The following PGLYRP4 variants were observed in gnomAD, a reference collection of about 807,000 sequenced individuals.
PGLYRP4 encodes the protein PGRP-I-beta.
PGLYRP4 carries 39 observed loss-of-function variants against 41.2 expected under a neutral mutation model. The observed-to-expected ratio is 0.95, with a 90% CI of 0.73 to 1.24. The LOEUF (loss-of-function observed/expected upper bound fraction) is 1.24. Among genes scored for constraint, PGLYRP4 ranks in the 50% most tolerant of loss-of-function variants. PGLYRP4 has a pLI of 0.00. For synonymous variants in PGLYRP4, 202 were observed against 186.8 expected, an observed-to-expected ratio of 1.08 and a Z score of -0.66; for missense variants, 467 against 460.7, an observed-to-expected ratio of 1.01 and a Z score of -0.13.
rs1286405353 is a variant in PGLYRP4, at chr1:153,347,866, C to A, written c.49+18G>T. On this transcript the variant is annotated intron_variant, in intron 2 of 8. Coordinates refer to ENST00000359650, the MANE Select transcript of PGLYRP4 (RefSeq NM_020393.4). The stretch of plus-strand genomic sequence containing the variant: ...CACCCTTCTCGGTTGCTTTTTGGCC[C>A]AGGGAAAGAAAACTTACCCCAGGCC... The A allele has an allele frequency of 3.8e-6, 6 of 1,598,316 alleles. No individual in the cohort carries two copies. The highest frequency in any genetic ancestry group is 1.7e-5 in the Admixed American group (1 of 59,764).
rs373413616 is a variant in PGLYRP4, at chr1:153,340,425, C to T, written c.780G>A (p.Gln260=). 1.2e-5 allele frequency: 19 copies of T among 1,614,086 alleles called. No individual in the cohort carries two copies. Among genetic ancestry groups the T allele is most frequent in the Non-Finnish European group, 1.4e-5 (17 of 1,180,046 alleles). ...DECRLLVRDI[Q]SFYIDRLKSC... is the part of the protein sequence containing the mutation. ...ACTTGAGCCTGTCTATGTAGAAAGA[C>T]TGGATGTCCCGGACCAGCAGGCGGC... is the stretch of plus-strand genomic sequence containing the variant. The change falls in exon 7 of 9, where the codon CAG becomes CAA. Residue 260 remains glutamine, a synonymous_variant. Coordinates refer to ENST00000359650, the MANE Select transcript of PGLYRP4 (RefSeq NM_020393.4).
intron 8 of PGLYRP4, among the ~76,000 whole-genome samples, 187 bp downstream of exon 8, chr1:153,336,994 G>C (rs1017597878): frequency 6.6e-6 from 1 of 152,170 alleles, no homozygotes; most frequent in Non-Finnish European, 1.5e-5. Context: ...GTAGATATAG[G>C]GTGAGCATTA....
In PGLYRP4 at chr1:153,341,612, G is replaced by GA; in HGVS notation, c.625+14dup. On this transcript the variant is annotated intron_variant, in intron 6 of 8. Transcript: ENST00000359650. ...GCCCAGTGGCAGGCCCAGTAGGGCT[G>GA]AAGAAAGGTCTTACCCTTCTTCAGG... 6.2e-7 allele frequency: 1 copy of GA among 1,605,404 alleles called. No homozygotes were observed. Among genetic ancestry groups the GA allele is most frequent in the Non-Finnish European group, 8.5e-7 (1 of 1,176,178 alleles).
rs757991487 is a variant in PGLYRP4 at position 153,337,262 on chromosome 1, C to T, written c.862G>A (p.Val288Met). ...GAGGAGCCTTGGACATTCCAGCCCA[C>T]CCCTTCATAAATGGCGCCATCCTGG... Reference protein sequence around the residue: ...VGQDGAIYEGVGWNVQGSSTP... With the variant: ...VGQDGAIYEGMGWNVQGSSTP... Residue 288 changes from valine (V) to methionine (M), a missense_variant, in exon 8 of 9, where the codon GTG becomes ATG. Physicochemically the swap from Val to Met is conservative, Grantham distance 21. Coordinates refer to ENST00000359650, the MANE Select transcript of PGLYRP4 (RefSeq NM_020393.4). 6.2e-7 allele frequency: 1 copy of T among 1,612,892 alleles called. No individual in the cohort carries two copies. The highest frequency in any genetic ancestry group is 8.5e-7 in the Non-Finnish European group (1 of 1,179,436).
intron 8 of PGLYRP4, among the ~76,000 whole-genome samples, chr1:153,335,307 C>T (rs989241209): frequency 1.3e-5 from 2 of 152,078 alleles, no homozygotes; most frequent in African/African-American, 2.4e-5. Context: ...TGACAAAGAG[C>T]TAATACCCGG....
Position 153,333,252 on chromosome 1 carries a change from A to G in PGLYRP4, c.944-2307T>C, listed in dbSNP as rs1356307429. Reference sequence around the variant, plus strand: ...TAAAGGTTGCATTACAGTTGATACCACAGAAATAACAAAAGATTGTCAGAG... The same window carrying G: ...TAAAGGTTGCATTACAGTTGATACCGCAGAAATAACAAAAGATTGTCAGAG... On this transcript the variant is annotated intron_variant, in intron 8 of 8. Coordinates refer to ENST00000359650, the MANE Select transcript of PGLYRP4 (RefSeq NM_020393.4). Among the ~76,000 whole-genome samples, 4 of 152,152 alleles carry G rather than the reference A, an allele frequency of 2.6e-5. No homozygotes were observed. In the South Asian group the frequency reaches 6.2e-4, roughly 24 times the overall value.
At chr1:153,343,533 G>A (rs2196081) in intron 4 of PGLYRP4, among the ~76,000 whole-genome samples, 123,087 of 152,078 alleles carry the variant, frequency 0.81, 50,136 homozygotes, top group Middle Eastern at 0.87. Context: ...TGTCTTCCAC[G>A]CTTCCTTAAA....
chr1:153,338,409 G>A (rs1466285100), intron 7 of PGLYRP4, among the ~76,000 whole-genome samples: 6 of 152,144 alleles, frequency 3.9e-5, no homozygotes, highest in African/African-American at 9.7e-5. Context: ...CAGATCTCAC[G>A]GCCTCCAGTT....
At chr1:153,344,888 T>G in intron 4 of PGLYRP4, 1 of 297,714 alleles carries the variant, frequency 3.4e-6, no homozygotes, top group Non-Finnish European at 6.4e-6. Flanking sequence ...GGAAGTCGTT[T>G]GCAATCTGTA....
chr1:153,345,644 C>T (rs898414295), intron 3 of PGLYRP4, among the ~76,000 whole-genome samples: 1 of 152,220 alleles, frequency 6.6e-6, no homozygotes, highest in African/African-American at 2.4e-5. Context: ...GTGGTCCAGG[C>T]TCTGCACTTC....
chr1:153,334,468 T>TATATATACATTTTTATATATA (rs1275488427), intron 8 of PGLYRP4, among the ~76,000 whole-genome samples: 1 of 142,530 alleles, frequency 7.0e-6, no homozygotes, highest in Non-Finnish European at 1.5e-5. Flanking sequence ...ATATATTTAT[T>TATATATACATTTTTATATATA]TATATATATT....
intron 1 of PGLYRP4, 98 bp from the exon 2 acceptor site, chr1:153,348,076 C>T (rs1215337787): frequency 3.0e-6 from 2 of 658,918 alleles, no homozygotes; most frequent in African/African-American, 3.7e-5. Flanking sequence ...CCTCTACCAT[C>T]CTGTGGCCTC....
At chr1:153,340,074 T>A (rs1250792977) in intron 7 of PGLYRP4, among the ~76,000 whole-genome samples, 2 of 152,208 alleles carry the variant, frequency 1.3e-5, no homozygotes, top group African/African-American at 4.8e-5. Flanking sequence ...TTTCTACAGG[T>A]GTCACAATCT....
Position 153,337,161 on chromosome 1 carries a change from T to G in PGLYRP4, c.943+20A>C. ...TTCAAATACCATGCAATGACCCTAC[T>G]GACCAAAGCATCCACTTACCTGTGA... On this transcript the variant is annotated intron_variant, in intron 8 of 8. Transcript: ENST00000359650. The G allele has an allele frequency of 6.7e-7, 1 of 1,488,132 alleles. No individual in the cohort carries two copies. The highest frequency in any genetic ancestry group is 9.4e-7 in the Non-Finnish European group (1 of 1,065,194). The allele number at this position is 1,488,132 out of a possible 1,614,324, so 92.2% of individuals were successfully genotyped here.
At position 153,343,036 on chromosome 1, in the gene PGLYRP4, T is replaced by C; in HGVS notation, c.472+54A>G. 3 of 1,134,406 alleles carry C rather than the reference T, an allele frequency of 2.6e-6. No homozygotes were observed. The South Asian group carries it at 3.8e-5, about 14-fold the overall frequency. 70.3% of individuals were successfully genotyped at this position (1,134,406 alleles called of 1,614,324 possible). A position where few individuals can be genotyped will look rare whatever the true frequency, so the allele number is the denominator to read the frequency against. On this transcript the variant is annotated intron_variant, in intron 5 of 8. Coordinates refer to ENST00000359650, the MANE Select transcript of PGLYRP4 (RefSeq NM_020393.4). ...TAGCTAGTTCCCATGAAGTGGCCCC[T>C]GAGACAAAGGATTAGAGAACTCTTT...
chr1:153,333,405 T>C (rs911923218), intron 8 of PGLYRP4, among the ~76,000 whole-genome samples: 2 of 151,928 alleles, frequency 1.3e-5, no homozygotes, highest in African/African-American at 4.8e-5. Flanking sequence ...CAATAACAAA[T>C]AATTAAATTG....
chr1:153,345,338 C>G lies in PGLYRP4; in HGVS notation c.184G>C (p.Gly62Arg). 6.2e-7 allele frequency: 1 copy of G among 1,614,196 alleles called. No homozygotes were observed. The highest frequency in any genetic ancestry group is 8.5e-7 in the Non-Finnish European group (1 of 1,180,026). Residue 62 changes from glycine (G) to arginine (R), a missense_variant, in exon 4 of 9, where the codon GGG (glycine) becomes CGG (arginine). Coordinates refer to ENST00000359650, the MANE Select transcript of PGLYRP4 (RefSeq NM_020393.4). ...VSTTVSRKAW[G>R]AEAVGCSIQL... is the part of the protein sequence containing the mutation. ...ATACTGCAGCCAACAGCTTCTGCCC[C>G]CCATGCCTTGCGAGAGACCGTGGTG... is the stretch of plus-strand genomic sequence containing the variant.
chr1:153,333,538 T>C (rs1396648428), intron 8 of PGLYRP4, among the ~76,000 whole-genome samples: 1 of 152,082 alleles, frequency 6.6e-6, no homozygotes, highest in East Asian at 1.9e-4. Context: ...TCCCAAAAAC[T>C]GAGGAGGAGG....
rs1228983406 is a variant in PGLYRP4, at chr1:153,343,182, A to G, written c.380T>C (p.Val127Ala). Reference protein sequence around the residue: ...YNFLVGDDGRVYEGVGWNIQG... With the variant: ...YNFLVGDDGRAYEGVGWNIQG... ...GATATTCCAGCCAACACCTTCATACACCCTGCCATCATCCCCAACCAGGAA... is the reference window on the plus strand; with the variant it reads ...GATATTCCAGCCAACACCTTCATACGCCCTGCCATCATCCCCAACCAGGAA... The change falls in exon 5 of 9, where the codon GTG becomes GCG. Residue 127 changes from valine to alanine, a missense_variant. Transcript: ENST00000359650. 3 of 1,613,570 alleles carry G rather than the reference A, an allele frequency of 1.9e-6. No homozygotes were observed. Among genetic ancestry groups the G allele is most frequent in the Admixed American group, 1.7e-5 (1 of 60,006 alleles).
Sources: allele counts gnomAD v4.1 joint callset (sites outside exome capture counted in the v4.1 genomes callset), GRCh38; gene constraint gnomAD v4.1.1; transcripts MANE v1.5; gene names NCBI Gene and HGNC (gene_info 2026-07-23, HGNC 2026-07-21).